LCOR: variants seen among roughly 807,000 people sequenced by gnomAD.
LCOR encodes the protein ligand-dependent corepressor.
Under a neutral mutation model 64.4 loss-of-function variants are expected in LCOR, and 14 were observed. That is an observed-to-expected ratio of 0.22 (90% CI 0.14 to 0.34). LCOR has a LOEUF of 0.34. Ranked by LOEUF, LCOR falls within the 10% of genes least tolerant of loss-of-function variation. The pLI is 1.00. For missense variants in LCOR, 1,686 were observed against 1,765.3 expected (o/e 0.96, Z 0.80); for synonymous variants, 643 against 642.5 (o/e 1.00, Z -0.01).
chr10:96,880,744 T>C (rs1846249120), intron 2 of LCOR, among the ~76,000 whole-genome samples: 1 of 152,252 alleles, frequency 6.6e-6, no homozygotes, highest in Non-Finnish European at 1.5e-5. Flanking sequence ...AGAGCAACAC[T>C]ATATGATTTA....
At chr10:96,896,670 C>T (rs1434813909) in intron 2 of LCOR, among the ~76,000 whole-genome samples, 4 of 152,062 alleles carry the variant, frequency 2.6e-5, no homozygotes, top group Admixed American at 6.6e-5. Context: ...GTGATCCACC[C>T]GCCCTGCCCT....
At chr10:96,945,552 A>G (rs1847572870) in intron 5 of LCOR, among the ~76,000 whole-genome samples, 1 of 152,186 alleles carries the variant, frequency 6.6e-6, no homozygotes, top group Non-Finnish European at 1.5e-5. Flanking sequence ...TCAGAATTCT[A>G]AAATTATGTT....
At chr10:96,965,014 A>T (rs28523867) in intron 7 of LCOR, among the ~76,000 whole-genome samples, 32,375 of 148,232 alleles carry the variant, frequency 0.22, 4,200 homozygotes, top group African/African-American at 0.37. Flanking sequence ...TTTAAAAAAA[A>T]TTTTTTTTTT....
At chr10:96,968,755 T>G (rs904688784) in intron 7 of LCOR, among the ~76,000 whole-genome samples, 2 of 152,044 alleles carry the variant, frequency 1.3e-5, no homozygotes, top group African/African-American at 4.8e-5. Flanking sequence ...GACAACATGG[T>G]GAGACCCCAT....
rs1848157883 is a variant in LCOR at position 96,987,484 on chromosome 10, G to A, written c.*2350G>A. 6.6e-6 allele frequency: 1 copy of A among 152,150 alleles called. No homozygotes were observed. Among genetic ancestry groups the A allele is most frequent in the Non-Finnish European group, 1.5e-5 (1 of 68,012 alleles). The allele number at this position is 152,150 out of a possible 1,614,324, so 9.4% of individuals were successfully genotyped here. On this transcript the variant is annotated 3_prime_UTR_variant, in exon 8 of 8. Coordinates refer to ENST00000421806, the MANE Select transcript of LCOR (RefSeq NM_001346516.2). ...TCTAAGTTCTTTTTCATTTTTAAAA[G>A]CTCAGTTAAAGATAATAGCCTTCTT...
At chr10:96,860,300 A>G (rs116197879) in intron 2 of LCOR, among the ~76,000 whole-genome samples, 4,220 of 152,246 alleles carry the variant, frequency 0.028, 201 homozygotes, top group African/African-American at 0.096. Context: ...AAGTCATACT[A>G]TATTAGGGTG....
chr10:96,848,450 G>T (rs539552175), intron 2 of LCOR, among the ~76,000 whole-genome samples: 1 of 152,318 alleles, frequency 6.6e-6, no homozygotes, highest in East Asian at 1.9e-4. Context: ...TTGAGGTCAG[G>T]AGTTGGAGAC....
intron 7 of LCOR, among the ~76,000 whole-genome samples, chr10:96,971,039 C>T (rs530401564): frequency 2.0e-5 from 3 of 152,284 alleles, no homozygotes; most frequent in African/African-American, 7.2e-5. Context: ...AATGTGTGTA[C>T]TGGGTCACTT....
At chr10:96,950,018 C>A (rs1847650659) in intron 6 of LCOR, among the ~76,000 whole-genome samples, 2 of 152,068 alleles carry the variant, frequency 1.3e-5, no homozygotes, top group African/African-American at 4.8e-5. Context: ...GCTTTGTGAT[C>A]TCATTTTACC....
chr10:96,990,466 C>G lies in LCOR; in HGVS notation c.*5332C>G, dbSNP rs1848190682. ...CAGACTGGGAAGTCTTTTGAGGCAG[C>G]CTTCAATATAATTCATCCTTTGAAA... On this transcript the variant is annotated 3_prime_UTR_variant, in exon 8 of 8. Transcript: ENST00000421806. The G allele has an allele frequency of 6.6e-6, 1 of 151,940 alleles. No homozygotes were observed. The highest frequency in any genetic ancestry group is 1.5e-5 in the Non-Finnish European group (1 of 67,986). 9.4% of individuals were successfully genotyped at this position (151,940 alleles called of 1,614,324 possible).
intron 2 of LCOR, among the ~76,000 whole-genome samples, chr10:96,846,080 A>G (rs1319150694): frequency 1.3e-5 from 2 of 151,924 alleles, no homozygotes. Context: ...GGTGGTGTAC[A>G]GCTGTAATCT....
At chr10:96,833,181 G>A in intron 1 of LCOR, 1 of 985,232 alleles carries the variant, frequency 1.0e-6, no homozygotes, top group African/African-American at 1.7e-5. Context: ...GGGTCCGACC[G>A]AGGAGCCCCG....
chr10:96,946,959 G>A (rs1464037141), intron 5 of LCOR, among the ~76,000 whole-genome samples: 2 of 152,160 alleles, frequency 1.3e-5, no homozygotes, highest in Admixed American at 6.5e-5. Context: ...TTCAGGGGTG[G>A]AAAGGTAAAC....
chr10:96,854,869 C>T (rs1419659861), intron 2 of LCOR, among the ~76,000 whole-genome samples: 1 of 152,130 alleles, frequency 6.6e-6, no homozygotes, highest in African/African-American at 2.4e-5. Flanking sequence ...TTAATTTTCT[C>T]CCTAAGTTAT....
In LCOR at chr10:96,950,060, C is replaced by A. The variant is rs115887080; in HGVS notation, c.238+765C>A. Among the ~76,000 whole-genome samples, 1,088 of 152,256 alleles carry A rather than the reference C, an allele frequency of 7.1e-3. 14 individuals carry two copies. Among genetic ancestry groups the A allele is most frequent in the African/African-American group, 0.025 (1,050 of 41,554 alleles). On this transcript the variant is annotated intron_variant, in intron 6 of 7. Transcript: ENST00000421806. ...TTCACAAAAATTGAAGCAAGCATTTCAACTCAGCCACTGTTTGAACCACTA... is the reference window on the plus strand; with the variant it reads ...TTCACAAAAATTGAAGCAAGCATTTAAACTCAGCCACTGTTTGAACCACTA...
At chr10:96,944,761 CT>C (rs1847557865) in intron 5 of LCOR, among the ~76,000 whole-genome samples, 1 of 151,960 alleles carries the variant, frequency 6.6e-6, no homozygotes, top group Non-Finnish European at 1.5e-5. Flanking sequence ...ACTTTTCCCC[CT>C]GCATTTGAGG....
intron 2 of LCOR, among the ~76,000 whole-genome samples, chr10:96,900,646 A>G (rs1285554279): frequency 6.6e-6 from 1 of 152,142 alleles, no homozygotes; most frequent in Admixed American, 6.5e-5. Context: ...GCAGCCTGCC[A>G]TTAGTTTTTA....
At position 96,907,357 on chromosome 10, in the gene LCOR, A is replaced by G. The variant is rs1029338833; in HGVS notation, c.-264+27A>G. On this transcript the variant is annotated intron_variant, in intron 3 of 7. Coordinates refer to ENST00000421806, the MANE Select transcript of LCOR (RefSeq NM_001346516.2). The stretch of plus-strand genomic sequence containing the variant: ...TATTCAAAATATTTTTGGTATTTCA[A>G]ATTCTTCCTGGTGCCATACATGATA... 7.1e-6 allele frequency: 6 copies of G among 850,126 alleles called. No homozygotes were observed. In the African/African-American group the frequency reaches 7.3e-5, roughly 10 times the overall value. 52.7% of individuals were successfully genotyped at this position (850,126 alleles called of 1,614,324 possible). A position where few individuals can be genotyped will look rare whatever the true frequency, so the allele number is the denominator to read the frequency against.
At chr10:96,935,847 C>CA (rs200218098) in intron 4 of LCOR, among the ~76,000 whole-genome samples, 1,917 of 152,288 alleles carry the variant, frequency 0.013, 19 homozygotes, top group Non-Finnish European at 0.021. Context: ...AACAAACAAA[C>CA]AACAACGACA....
Sources: allele counts gnomAD v4.1 joint callset (sites outside exome capture counted in the v4.1 genomes callset), GRCh38; gene constraint gnomAD v4.1.1; transcripts MANE v1.5; gene names NCBI Gene and HGNC (gene_info 2026-07-23, HGNC 2026-07-21).